The following DOCK9 variants were observed in gnomAD, a reference collection of about 807,000 sequenced individuals.
DOCK9 encodes the protein dedicator of cytokinesis protein 9.
A neutral mutation model predicts 263.3 loss-of-function variants in DOCK9; 89 were observed. The observed-to-expected ratio is 0.34, with a 90% CI of 0.28 to 0.40. DOCK9 has a LOEUF of 0.40. DOCK9 is among the 10% of genes least tolerant of loss of function. The probability of loss-of-function intolerance (pLI) is 1.00; values close to 1 mark genes in which losing one functional copy is unlikely to be tolerated. For missense variants in DOCK9, 2,140 were observed against 2,603.4 expected (o/e 0.82, Z 3.87); for synonymous variants, 976 against 973.1 (o/e 1.00, Z -0.06).
intron 2 of DOCK9, among the ~76,000 whole-genome samples, chr13:98,934,135 G>A (rs1284391892): frequency 6.6e-6 from 1 of 152,038 alleles, no homozygotes; most frequent in African/African-American, 2.4e-5. Flanking sequence ...GAACTCCTGG[G>A]CTCAAGCAAT....
chr13:98,808,740 C>A, intron 47 of DOCK9: 1 of 1,028,210 alleles, frequency 9.7e-7, no homozygotes, highest in Non-Finnish European at 1.5e-6. Flanking sequence ...TAGAAAACCA[C>A]ACGCCCTAAA....
intron 1 of DOCK9, among the ~76,000 whole-genome samples, chr13:99,023,299 G>A (rs1886334061): frequency 6.6e-6 from 1 of 152,250 alleles, no homozygotes; most frequent in Non-Finnish European, 1.5e-5. Flanking sequence ...ATACTATTCA[G>A]CCTTAAAATG....
At chr13:98,936,623 C>CA (rs1189746396) in intron 2 of DOCK9, among the ~76,000 whole-genome samples, 635 of 47,512 alleles carry the variant, frequency 0.013, 3 homozygotes, top group African/African-American at 0.036. Context: ...CTGTCTCAAA[C>CA]AAAAAAAAAA....
chr13:98,896,082 T>G (rs753215638), intron 15 of DOCK9, among the ~76,000 whole-genome samples: 2 of 152,218 alleles, frequency 1.3e-5, no homozygotes, highest in Non-Finnish European at 2.9e-5. Flanking sequence ...CCAGCGGGCA[T>G]GCACACTGCT....
intron 26 of DOCK9, 145 bp from the exon 27 acceptor site, chr13:98,880,114 C>A: frequency 1.6e-6 from 1 of 623,898 alleles, no homozygotes; most frequent in Non-Finnish European, 2.7e-6. Context: ...ATGATCAGAG[C>A]CAACGGTGAA....
chr13:98,864,979 C>T (rs1429439760), intron 30 of DOCK9, among the ~76,000 whole-genome samples: 9 of 152,188 alleles, frequency 5.9e-5, no homozygotes, highest in Non-Finnish European at 8.8e-5. Context: ...TTGGAAGCTT[C>T]CTGAGGCCTC....
chr13:98,831,030 T>A (rs1294578018), intron 41 of DOCK9, among the ~76,000 whole-genome samples: 1 of 152,218 alleles, frequency 6.6e-6, no homozygotes, highest in African/African-American at 2.4e-5. Context: ...AGGTTGGGCT[T>A]CTTGTTCCTT....
chr13:98,835,715 A>G (rs2092965977), intron 39 of DOCK9, among the ~76,000 whole-genome samples: 1 of 150,458 alleles, frequency 6.6e-6, no homozygotes, highest in Non-Finnish European at 1.5e-5. Context: ...ATAGTGACAA[A>G]TACTCTTCTT....
At chr13:98,912,114 C>G (rs938763026) in intron 9 of DOCK9, among the ~76,000 whole-genome samples, 14 of 152,096 alleles carry the variant, frequency 9.2e-5, no homozygotes, top group Non-Finnish European at 1.6e-4. Context: ...TCAAAAGATC[C>G]GCTCACCTCA....
At chr13:98,930,595 T>C (rs2053761124) in intron 2 of DOCK9, among the ~76,000 whole-genome samples, 1 of 152,204 alleles carries the variant, frequency 6.6e-6, no homozygotes, top group Non-Finnish European at 1.5e-5. Flanking sequence ...AGCATCTTAC[T>C]TGTCTTAACT....
At chr13:99,028,364 G>A (rs193048543) in intron 1 of DOCK9, among the ~76,000 whole-genome samples, 1 of 152,084 alleles carries the variant, frequency 6.6e-6, no homozygotes, top group Non-Finnish European at 1.5e-5. Context: ...AACAGCAAAA[G>A]TTAATGGAAA....
At chr13:99,075,450 T>C (rs2041872214) in intron 1 of DOCK9, among the ~76,000 whole-genome samples, 1 of 150,720 alleles carries the variant, frequency 6.6e-6, no homozygotes, top group African/African-American at 2.4e-5. Context: ...CTTCCTGGAC[T>C]TAAGCAATCC....
intron 1 of DOCK9, among the ~76,000 whole-genome samples, chr13:98,971,073 G>C (rs2059683976): frequency 6.6e-6 from 1 of 152,190 alleles, no homozygotes; most frequent in South Asian, 2.1e-4. Flanking sequence ...TGAGATCAAA[G>C]ATGCTAACAC....
chr13:99,002,413 A>G (rs1042062784), intron 1 of DOCK9, among the ~76,000 whole-genome samples: 25 of 152,134 alleles, frequency 1.6e-4, no homozygotes, highest in African/African-American at 5.5e-4. Flanking sequence ...TGAGCATCAC[A>G]GAACACACTA....
chr13:99,067,106 G>A (rs1004699050), intron 1 of DOCK9, among the ~76,000 whole-genome samples: 10 of 152,088 alleles, frequency 6.6e-5, no homozygotes, highest in Admixed American at 2.6e-4. Context: ...ATAGCCAAGC[G>A]GCAGAGGACC....
chr13:98,937,078 T>C (rs924498621), intron 2 of DOCK9, among the ~76,000 whole-genome samples: 1 of 152,238 alleles, frequency 6.6e-6, no homozygotes, highest in Non-Finnish European at 1.5e-5. Flanking sequence ...CCACTTTATA[T>C]AGACCCAATG....
At chr13:98,810,033 C>G in intron 46 of DOCK9, 136 bp downstream of exon 46, 2 of 1,241,274 alleles carry the variant, frequency 1.6e-6, no homozygotes, top group Non-Finnish European at 2.3e-6. Flanking sequence ...CCACCTTCAG[C>G]GTAACGTGGA....
chr13:98,835,937 C>T (rs958403656), intron 39 of DOCK9, among the ~76,000 whole-genome samples: 7 of 152,006 alleles, frequency 4.6e-5, no homozygotes, highest in African/African-American at 1.4e-4. Flanking sequence ...GGGGTTTCAC[C>T]ATGTTGGCCA....
chr13:98,985,761 G>A (rs758341703), intron 1 of DOCK9, among the ~76,000 whole-genome samples: 13 of 152,178 alleles, frequency 8.5e-5, no homozygotes, highest in East Asian at 1.9e-4. Context: ...CTTGTTTCGC[G>A]TGATCTGTAA....
Sources: allele counts gnomAD v4.1 joint callset (sites outside exome capture counted in the v4.1 genomes callset), GRCh38; gene constraint gnomAD v4.1.1; transcripts MANE v1.5; gene names NCBI Gene and HGNC (gene_info 2026-07-23, HGNC 2026-07-21).